OR51B5: variants seen among roughly 807,000 people sequenced by gnomAD.
OR51B5 encodes olfactory receptor family 51 subfamily B member 5, also known as olfactory receptor 51B5.
For synonymous variants in OR51B5, 186 were observed against 144.8 expected, an observed-to-expected ratio of 1.28 and a Z score of -2.04; for missense variants, 456 against 374.6, an observed-to-expected ratio of 1.22 and a Z score of -1.79.
intron 1 of OR51B5, among the ~76,000 whole-genome samples, chr11:5,381,516 C>A (rs1039320691): frequency 6.6e-6 from 1 of 152,184 alleles, no homozygotes; most frequent in East Asian, 1.9e-4. Context: ...GGGCTAGTGA[C>A]CCTATTTTGG....
chr11:5,388,431 A>T (rs1024935752), intron 1 of OR51B5, among the ~76,000 whole-genome samples: 3 of 151,436 alleles, frequency 2.0e-5, no homozygotes, highest in Non-Finnish European at 2.9e-5. Flanking sequence ...ATCATATCTA[A>T]GCTAAGGTGG....
chr11:5,349,635 T>C (rs191246243), intron 1 of OR51B5, among the ~76,000 whole-genome samples: 4 of 152,346 alleles, frequency 2.6e-5, no homozygotes, highest in East Asian at 1.9e-4. Flanking sequence ...TGAATACCTA[T>C]AATAAAACAA....
chr11:5,505,627 A>G (rs1193677962), exon 1 of OR51B5: 1 of 466,792 alleles, frequency 2.1e-6, no homozygotes, highest in Non-Finnish European at 3.4e-6. Context: ...GTCACATCCT[A>G]CTGGAATGGC....
intron 1 of OR51B5, chr11:5,392,861 G>C (rs903123334): frequency 1.3e-5 from 2 of 152,114 alleles, no homozygotes; most frequent in African/African-American, 2.4e-5. Context: ...GCAGTGAGCC[G>C]AGATCGTGCC....
upstream of OR51B5, among the ~76,000 whole-genome samples, chr11:5,344,878 A>T (rs964506021): frequency 6.6e-6 from 1 of 152,190 alleles, no homozygotes; most frequent in Non-Finnish European, 1.5e-5. Context: ...GATTAATTGG[A>T]TGGTATTGTA....
rs449460 is a variant in OR51B5, at chr11:5,477,820, G to T, written n.84+27749C>A. Among the ~76,000 whole-genome samples the T allele has an allele frequency of 8.5e-5, 13 of 152,186 alleles. No homozygotes were observed. In the South Asian group the frequency reaches 2.1e-3, roughly 24 times the overall value. On this transcript the variant is annotated intron_variant and non_coding_transcript_variant, in intron 1 of 4. Coordinates refer to the OR51B5 transcript ENST00000415970. ...TTTTCGGACTGGCTTAAAAAACGGCGCACCATGAGATTATATCCCGCACCT... is the reference window on the plus strand; with the variant it reads ...TTTTCGGACTGGCTTAAAAAACGGCTCACCATGAGATTATATCCCGCACCT...
intron 1 of OR51B5, chr11:5,403,548 C>A (rs1850007951): frequency 2.1e-6 from 1 of 467,366 alleles, no homozygotes; most frequent in Non-Finnish European, 4.5e-6. Context: ...CAGAGTGTAG[C>A]CAAAAACCAT....
At position 5,453,756 on chromosome 11, in the gene OR51B5, C is replaced by A. The variant is rs754539560; in HGVS notation, n.84+51813G>T. ...ACTCCGAACCTTCTGCCTCAATGCC[C>A]GCAACATCACTTTTGATGCCTGTCT... On this transcript the variant is annotated intron_variant and non_coding_transcript_variant, in intron 1 of 4. Coordinates refer to the OR51B5 transcript ENST00000415970. The A allele has an allele frequency of 6.2e-6, 10 of 1,614,042 alleles. No homozygotes were observed. In the Admixed American group the frequency reaches 1.5e-4, roughly 24 times the overall value.
At chr11:5,434,573 A>T (rs1589994285) in intron 1 of OR51B5, among the ~76,000 whole-genome samples, 1 of 152,150 alleles carries the variant, frequency 6.6e-6, no homozygotes, top group East Asian at 1.9e-4. Flanking sequence ...TCACCTGAAG[A>T]TGCTGGTCCC....
intron 1 of OR51B5, chr11:5,351,860 A>G (rs747932488): frequency 1.2e-6 from 2 of 1,613,672 alleles, no homozygotes; most frequent in East Asian, 4.5e-5. Context: ...GCCATGGCTT[A>G]TGACTGTTTC....
At chr11:5,361,103 C>G (rs996445638) in intron 1 of OR51B5, among the ~76,000 whole-genome samples, 1 of 152,054 alleles carries the variant, frequency 6.6e-6, no homozygotes, top group Non-Finnish European at 1.5e-5. Flanking sequence ...AACAAACCTG[C>G]ACGTTGTGCA....
intron 1 of OR51B5, chr11:5,423,284 T>C (rs914800544): frequency 8.8e-6 from 11 of 1,243,214 alleles, no homozygotes; most frequent in Non-Finnish European, 1.2e-5. Context: ...CCCTGGCTTT[T>C]AGCATGGAAT....
At chr11:5,354,300 C>T (rs1486297001) in intron 1 of OR51B5, among the ~76,000 whole-genome samples, 1 of 152,206 alleles carries the variant, frequency 6.6e-6, no homozygotes, top group Non-Finnish European at 1.5e-5. Context: ...TTGACTCACC[C>T]TCTAGGTCCA....
At chr11:5,407,264 T>TATA (rs1420118182) in intron 1 of OR51B5, among the ~76,000 whole-genome samples, 22 of 152,286 alleles carry the variant, frequency 1.4e-4, no homozygotes, top group African/African-American at 5.1e-4. Context: ...TTAAAAAGCA[T>TATA]ATAATAATAA....
chr11:5,389,332 A>G (rs1308619659), intron 1 of OR51B5: 2 of 1,458,056 alleles, frequency 1.4e-6, no homozygotes, highest in East Asian at 2.3e-5. Flanking sequence ...TGATGTTGTG[A>G]ATGTTAGTGA....
chr11:5,441,386 A>T (rs1427787054), intron 1 of OR51B5: 7 of 1,613,940 alleles, frequency 4.3e-6, no homozygotes, highest in Non-Finnish European at 5.9e-6. Context: ...TGCTGAGGTT[A>T]CCTACAATGG....
chr11:5,398,893 T>A (rs540268927), intron 1 of OR51B5, among the ~76,000 whole-genome samples: 1 of 152,300 alleles, frequency 6.6e-6, no homozygotes, highest in East Asian at 1.9e-4. Flanking sequence ...GTTAATAAAT[T>A]ACCCAGTCTC....
chr11:5,382,621 G>A (rs1849626557), intron 1 of OR51B5, among the ~76,000 whole-genome samples: 1 of 152,106 alleles, frequency 6.6e-6, no homozygotes, highest in East Asian at 1.9e-4. Context: ...TCTGGTAGTG[G>A]TGCCCTCTCC....
In OR51B5 at chr11:5,492,039, G is replaced by C. The variant is rs556965530; in HGVS notation, n.84+13530C>G. ...TAACCTCAGAATCTTGACCTATTAG[G>C]TAAATTTGTTCCTTTATCCCCAAGT... On this transcript the variant is annotated intron_variant and non_coding_transcript_variant, in intron 1 of 4. Transcript: ENST00000415970. 1.3e-3 allele frequency among the ~76,000 whole-genome samples: 199 copies of C among 152,210 alleles called. 6 individuals are homozygous for C. The South Asian group carries it at 0.04, about 31-fold the overall frequency.
Sources: gnomAD v4.1 joint callset for allele counts (sites outside exome capture counted in the v4.1 genomes callset) on GRCh38, gnomAD v4.1.1 for gene constraint, MANE v1.5 for transcripts, NCBI Gene and HGNC (gene_info 2026-07-23, HGNC 2026-07-21) for gene names.